Variants in WDPCP observed in about 807,000 individuals in gnomAD.
WDPCP encodes the protein WD repeat-containing and planar cell polarity effector protein fritz homolog.
A neutral mutation model predicts 93.1 loss-of-function variants in WDPCP; 71 were observed. The observed-to-expected ratio is 0.76, with a 90% CI of 0.63 to 0.93. The LOEUF (loss-of-function observed/expected upper bound fraction) is 0.93. WDPCP is among the 40% of genes least tolerant of loss of function. WDPCP has a pLI of 0.00. For missense variants in WDPCP, 844 were observed against 887.4 expected, an observed-to-expected ratio of 0.95 and a Z score of 0.62; for synonymous variants, 315 against 315.0, an observed-to-expected ratio of 1.00 and a Z score of 0.00.
chr2:63,547,950 C>T (rs1190282082), intron 1 of WDPCP, among the ~76,000 whole-genome samples: 1 of 151,794 alleles, frequency 6.6e-6, no homozygotes, highest in Non-Finnish European at 1.5e-5. Flanking sequence ...AATATTTCTA[C>T]CATAAAGTTA....
chr2:63,748,799 T>C (rs540385185), intron 2 of WDPCP, among the ~76,000 whole-genome samples: 1 of 152,240 alleles, frequency 6.6e-6, no homozygotes, highest in Non-Finnish European at 1.5e-5. Flanking sequence ...GTTGTGTTTT[T>C]GTTGTGAGTT....
intron 2 of WDPCP, among the ~76,000 whole-genome samples, chr2:63,804,857 G>A (rs181053767): frequency 0.012 from 1,852 of 151,718 alleles, 17 homozygotes; most frequent in Non-Finnish European, 0.015. Flanking sequence ...GTGAAACCCC[G>A]TCTCTACTAA....
intron 14 of WDPCP, among the ~76,000 whole-genome samples, chr2:63,212,571 A>G (rs568359645): frequency 4.6e-5 from 7 of 152,320 alleles, no homozygotes; most frequent in African/African-American, 1.7e-4. Context: ...AACGAGCAAA[A>G]TAACCAGCTA....
intron 2 of WDPCP, among the ~76,000 whole-genome samples, chr2:63,681,922 T>C (rs115641194): frequency 1.3e-5 from 2 of 152,300 alleles, no homozygotes; most frequent in African/African-American, 4.8e-5. Context: ...CTTCCAGATC[T>C]TACCCAAGAC....
rs1348578409 is a variant in WDPCP, at chr2:63,258,077, TCA to T, written c.1915+1228_1915+1229del. ...ATAGCAAATATAAATTGTACTTACT[TCA>T]CAGAGTTGTGGTGAAAATTAGTTAT... is the stretch of plus-strand genomic sequence containing the variant. On this transcript the variant is annotated intron_variant, in intron 14 of 17. Transcript: ENST00000272321. 5.3e-5 allele frequency among the ~76,000 whole-genome samples: 8 copies of T among 152,182 alleles called. No individual in the cohort carries two copies. In the East Asian group the frequency reaches 1.5e-3, roughly 29 times the overall value.
intron 17 of WDPCP, 25 bp downstream of exon 17, chr2:63,152,889 G>T (rs1574740679): frequency 7.5e-6 from 12 of 1,602,786 alleles, no homozygotes; most frequent in Non-Finnish European, 1.0e-5. Context: ...TAAATGTCTA[G>T]TAATAAACAG....
chr2:63,611,624 T>A (rs960725962), intron 3 of WDPCP, among the ~76,000 whole-genome samples: 1 of 152,252 alleles, frequency 6.6e-6, no homozygotes, highest in Non-Finnish European at 1.5e-5. Context: ...GAACTCATCA[T>A]CTTTATGATC....
At chr2:63,650,779 T>C (rs947160710) in exon 3 of WDPCP, 5 of 152,138 alleles carry the variant, frequency 3.3e-5, no homozygotes, top group Admixed American at 6.5e-5. Flanking sequence ...GGTGAGAGAA[T>C]AGAACAGGAG....
chr2:63,292,153 A>G (rs1176307095), intron 13 of WDPCP, among the ~76,000 whole-genome samples: 1 of 147,842 alleles, frequency 6.8e-6, no homozygotes, highest in Non-Finnish European at 1.5e-5. Flanking sequence ...AAAAAAAAAG[A>G]AAAAGAAAAG....
chr2:63,733,735 T>C (rs1039320422), intron 2 of WDPCP, among the ~76,000 whole-genome samples: 3 of 152,320 alleles, frequency 2.0e-5, no homozygotes, highest in African/African-American at 7.2e-5. Flanking sequence ...AATCTTCAAT[T>C]TGTATTTTTT....
rs535051658 is a variant in WDPCP at position 63,541,095 on chromosome 2, T to G, written c.75+47102A>C. Among the ~76,000 whole-genome samples the G allele has an allele frequency of 3.9e-5, 6 of 152,132 alleles. No individual in the cohort carries two copies. In the East Asian group the frequency reaches 1.2e-3, roughly 29 times the overall value. ...TTCAAGTGATTCTCTTCCCTCAGAC[T>G]CTTGAGTGGCTGGGACTACAGGCAT... On this transcript the variant is annotated intron_variant, in intron 1 of 17. Coordinates refer to ENST00000272321, the MANE Select transcript of WDPCP (RefSeq NM_015910.7).
At chr2:63,401,100 C>T (rs973668923) in intron 10 of WDPCP, among the ~76,000 whole-genome samples, 3 of 151,974 alleles carry the variant, frequency 2.0e-5, no homozygotes, top group Admixed American at 6.6e-5. Flanking sequence ...GACTTCATGA[C>T]GAAAAAACCA....
At chr2:63,385,908 A>G (rs1692693569) in intron 10 of WDPCP, among the ~76,000 whole-genome samples, 1 of 152,114 alleles carries the variant, frequency 6.6e-6, no homozygotes, top group Non-Finnish European at 1.5e-5. Flanking sequence ...TACTTGCTTA[A>G]GGTACAGACA....
intron 1 of WDPCP, among the ~76,000 whole-genome samples, chr2:63,531,102 T>A (rs1388325966): frequency 6.6e-6 from 1 of 152,154 alleles, no homozygotes; most frequent in Non-Finnish European, 1.5e-5. Flanking sequence ...AGCACAGCAG[T>A]CCAAGATCGA....
intron 2 of WDPCP, among the ~76,000 whole-genome samples, chr2:63,767,569 A>ATTT (rs1246659168): frequency 2.0e-5 from 3 of 151,984 alleles, no homozygotes; most frequent in Non-Finnish European, 4.4e-5. Flanking sequence ...TGTGGTTTTA[A>ATTT]TTTGCATTCT....
intron 2 of WDPCP, among the ~76,000 whole-genome samples, chr2:63,660,093 A>G (rs13386582): frequency 1.5e-3 from 234 of 152,346 alleles, no homozygotes; most frequent in Middle Eastern, 6.8e-3. Context: ...CCAAAGGTAA[A>G]TGTAGCCTTT....
chr2:63,769,215 TATTATGTAGGACATAATGC>T (rs1436414141), intron 2 of WDPCP, among the ~76,000 whole-genome samples: 1 of 152,122 alleles, frequency 6.6e-6, no homozygotes, highest in African/African-American at 2.4e-5. Flanking sequence ...AGTGGGTATG[TATTATGTAGGACATAATGC>T]ATTATGTAGG....
chr2:63,648,450 G>A (rs1710076303), intron 3 of WDPCP, among the ~76,000 whole-genome samples: 1 of 152,034 alleles, frequency 6.6e-6, no homozygotes. Flanking sequence ...TCAATGAGTT[G>A]GGAAATGTAT....
intron 9 of WDPCP, among the ~76,000 whole-genome samples, chr2:63,412,630 TGTAA>T (rs777472912): frequency 1.4e-4 from 21 of 152,116 alleles, no homozygotes; most frequent in Non-Finnish European, 2.6e-4. Context: ...CCTTGAAAAC[TGTAA>T]GTACTCCTCC....
Sources: allele counts gnomAD v4.1 joint callset (sites outside exome capture counted in the v4.1 genomes callset), GRCh38; gene constraint gnomAD v4.1.1; transcripts MANE v1.5; gene names NCBI Gene and HGNC (gene_info 2026-07-23, HGNC 2026-07-21).